Variants in TBC1D2B observed in about 807,000 individuals in gnomAD.
TBC1D2B encodes the protein TBC1 domain family, member 2B.
A neutral mutation model predicts 100.8 loss-of-function variants in TBC1D2B; 64 were observed. The ratio of observed to expected loss-of-function variants is 0.64; its 90% CI spans 0.52 to 0.78. The LOEUF is 0.78. Ranked by LOEUF, TBC1D2B falls within the 30% of genes least tolerant of loss-of-function variation. The pLI is 0.00. For missense variants in TBC1D2B, 1,052 were observed against 1,218.4 expected, an observed-to-expected ratio of 0.86 and a Z score of 2.03; for synonymous variants, 480 against 479.7, an observed-to-expected ratio of 1.00 and a Z score of -0.01.
At chr15:78,021,284 TAAAATTA>T (rs1005494271) in intron 6 of TBC1D2B, among the ~76,000 whole-genome samples, 16 of 151,824 alleles carry the variant, frequency 1.1e-4, no homozygotes, top group Non-Finnish European at 2.1e-4. Flanking sequence ...AACATATCTT[TAAAATTA>T]AAAATATATA....
At chr15:78,040,608 G>GAA (rs1379040921) in intron 3 of TBC1D2B, among the ~76,000 whole-genome samples, 4 of 114,254 alleles carry the variant, frequency 3.5e-5, no homozygotes, top group Admixed American at 9.6e-5. Context: ...GAGAAAGTGA[G>GAA]AGAGAAAGAA....
intron 6 of TBC1D2B, among the ~76,000 whole-genome samples, chr15:78,023,660 G>C (rs989939952): frequency 1.3e-5 from 2 of 152,180 alleles, no homozygotes; most frequent in Non-Finnish European, 2.9e-5. Context: ...TGGGTGCTGG[G>C]GGCACTGACT....
chr15:78,014,715 C>T (rs185091879), intron 8 of TBC1D2B, among the ~76,000 whole-genome samples: 1 of 152,208 alleles, frequency 6.6e-6, no homozygotes, highest in Non-Finnish European at 1.5e-5. Flanking sequence ...GACTGAGAGA[C>T]CTCATCTCTT....
At chr15:78,055,444 G>A (rs1057353751) in intron 1 of TBC1D2B, among the ~76,000 whole-genome samples, 8 of 152,184 alleles carry the variant, frequency 5.3e-5, no homozygotes, top group Non-Finnish European at 8.8e-5. Flanking sequence ...AAGGAAAGCT[G>A]CCATGACACG....
intron 3 of TBC1D2B, among the ~76,000 whole-genome samples, chr15:78,042,232 C>A (rs557385089): frequency 4.6e-5 from 7 of 152,304 alleles, no homozygotes; most frequent in Admixed American, 2.0e-4. Flanking sequence ...AAACACCCAG[C>A]ATTACAGGTC....
intron 2 of TBC1D2B, among the ~76,000 whole-genome samples, chr15:78,051,583 G>A (rs1424911127): frequency 6.6e-6 from 1 of 152,200 alleles, no homozygotes; most frequent in Non-Finnish European, 1.5e-5. Flanking sequence ...TGCTAGGAGG[G>A]TCCTGATGGG....
chr15:78,044,994 C>G lies in TBC1D2B; in HGVS notation c.589G>C (p.Glu197Gln). The change falls in exon 3 of 13, where the codon GAG becomes CAG. Residue 197 changes from glutamate (E) to glutamine (Q), a missense_variant. Transcript: ENST00000300584. ...NVLAVETVPG[E>Q]LVGEQAANQP... is the part of the protein sequence containing the mutation. ...TTTGCAGCTTGTTCTCCCACCAGCT[C>G]TCCAGGCACAGTCTCCACAGCTAGG... 6 of 1,613,864 alleles carry G rather than the reference C, an allele frequency of 3.7e-6. No homozygotes were observed. Among genetic ancestry groups the G allele is most frequent in the Non-Finnish European group, 5.1e-6 (6 of 1,179,796 alleles).
chr15:78,048,612 T>C (rs1195909641), intron 2 of TBC1D2B, among the ~76,000 whole-genome samples: 2 of 152,348 alleles, frequency 1.3e-5, no homozygotes, highest in South Asian at 2.1e-4. Context: ...TCCGACTGCA[T>C]TGTTCCCATT....
Position 78,001,618 on chromosome 15 carries a change from C to G in TBC1D2B, c.2696+1G>C. ...ACATCTGAGAACTCCCCAGGACTCA[C>G]CTAGCATCAAGGATAGTGCGAGTGA... On this transcript the variant is annotated splice_donor_variant, in intron 12 of 12. Transcript: ENST00000300584. LOFTEE classifies it high-confidence loss of function. 6.2e-7 allele frequency: 1 copy of G among 1,608,440 alleles called. No individual in the cohort carries two copies. Among genetic ancestry groups the G allele is most frequent in the South Asian group, 1.1e-5 (1 of 89,670 alleles).
At chr15:78,050,598 G>A (rs2073293733) in intron 2 of TBC1D2B, among the ~76,000 whole-genome samples, 1 of 152,174 alleles carries the variant, frequency 6.6e-6, no homozygotes, top group African/African-American at 2.4e-5. Context: ...ACACCTGATT[G>A]TATCTTTATG....
chr15:78,040,889 A>AAAGAAAGAAAGAAAGAAAGAAG (rs2073077944), intron 3 of TBC1D2B, among the ~76,000 whole-genome samples: 10 of 147,658 alleles, frequency 6.8e-5, no homozygotes, highest in Admixed American at 6.7e-4. Context: ...AAAGAGAGAG[A>AAAGAAAGAAAGAAAGAAAGAAG]GAGAGAAAGA....
intron 12 of TBC1D2B, chr15:77,999,322 G>A (rs960391600): frequency 1.3e-5 from 6 of 454,810 alleles, no homozygotes; most frequent in African/African-American, 4.0e-5. Context: ...CGTCGGCTGC[G>A]TGGGCTCCTT....
intron 1 of TBC1D2B, 53 bp downstream of exon 1, chr15:78,077,227 AGCCAGTGGCGGAG>A (rs2073843444): frequency 1.1e-5 from 16 of 1,402,632 alleles, no homozygotes; most frequent in Non-Finnish European, 1.5e-5. Context: ...GGATGGCGCA[AGCCAGTGGCGGAG>A]GCAGGGGACG....
intron 1 of TBC1D2B, among the ~76,000 whole-genome samples, chr15:78,054,896 G>A (rs751924630): frequency 1.7e-4 from 26 of 152,210 alleles, no homozygotes; most frequent in Middle Eastern, 3.4e-3. Context: ...AATGTTTATA[G>A]AGGTTTTATT....
intron 4 of TBC1D2B, among the ~76,000 whole-genome samples, chr15:78,029,554 G>A (rs923763785): frequency 1.3e-5 from 2 of 152,186 alleles, no homozygotes. Flanking sequence ...CAGATGCAAT[G>A]GATTAATGCC....
chr15:78,025,134 G>A (rs1457601692), intron 5 of TBC1D2B, 125 bp downstream of exon 5: 1 of 776,186 alleles, frequency 1.3e-6, no homozygotes, highest in Non-Finnish European at 2.1e-6. Context: ...ACCTCCAGGG[G>A]AAAAGCAACT....
At chr15:78,032,271 T>C (rs965466934) in intron 3 of TBC1D2B, among the ~76,000 whole-genome samples, 2 of 152,186 alleles carry the variant, frequency 1.3e-5, no homozygotes, top group African/African-American at 4.8e-5. Flanking sequence ...GAAAGATTAC[T>C]GAGAAAGGCT....
intron 12 of TBC1D2B, among the ~76,000 whole-genome samples, chr15:78,000,144 C>T (rs1305420799): frequency 2.6e-5 from 4 of 152,234 alleles, no homozygotes; most frequent in Non-Finnish European, 4.4e-5. Context: ...CTTGGCACTC[C>T]TTAAAGCACC....
intron 3 of TBC1D2B, among the ~76,000 whole-genome samples, chr15:78,031,243 A>C (rs1160834429): frequency 6.6e-6 from 1 of 152,212 alleles, no homozygotes; most frequent in African/African-American, 2.4e-5. Context: ...GTAAAGGTAA[A>C]GAAGAATAGG....
Sources: gnomAD v4.1 joint callset for allele counts (sites outside exome capture counted in the v4.1 genomes callset) on GRCh38, gnomAD v4.1.1 for gene constraint, MANE v1.5 for transcripts, NCBI Gene and HGNC (gene_info 2026-07-23, HGNC 2026-07-21) for gene names.